FHIT: variants seen among roughly 807,000 people sequenced by gnomAD.
FHIT encodes the protein fragile histidine triad diadenosine triphosphatase.
A neutral mutation model predicts 17.9 loss-of-function variants in FHIT; 19 were observed. That is an observed-to-expected ratio of 1.06 (90% confidence interval 0.74 to 1.56). The LOEUF is 1.56. FHIT is among the 40% of genes most tolerant of loss of function. The pLI, the probability that FHIT is intolerant of heterozygous loss-of-function variation, is 0.00. For synonymous variants in FHIT, 81 were observed against 69.7 expected (o/e 1.16, Z -0.81); for missense variants, 248 against 189.2 (o/e 1.31, Z -1.82).
At chr3:61,050,716 G>C (rs1026969688) in intron 2 of FHIT, among the ~76,000 whole-genome samples, 1 of 152,236 alleles carries the variant, frequency 6.6e-6, no homozygotes, top group Admixed American at 6.5e-5. Flanking sequence ...AAAGCTGGAT[G>C]ATGCACGCAT....
chr3:60,374,791 A>T (rs951767368), intron 5 of FHIT, among the ~76,000 whole-genome samples: 3 of 152,078 alleles, frequency 2.0e-5, no homozygotes, highest in Non-Finnish European at 4.4e-5. Context: ...TTGAGACGTG[A>T]TAATAGTTGT....
chr3:59,768,687 A>C (rs951401022), intron 8 of FHIT, among the ~76,000 whole-genome samples: 2 of 152,248 alleles, frequency 1.3e-5, no homozygotes, highest in African/African-American at 2.4e-5. Context: ...CTAGGCACAT[A>C]GGAGAGGCTC....
At chr3:59,947,434 T>C (rs1033263740) in intron 7 of FHIT, among the ~76,000 whole-genome samples, 2 of 152,188 alleles carry the variant, frequency 1.3e-5, no homozygotes, top group African/African-American at 4.8e-5. Context: ...GGTCTATCAA[T>C]CTGATTAATT....
chr3:60,400,475 A>G (rs1208862229), intron 5 of FHIT, among the ~76,000 whole-genome samples: 1 of 152,158 alleles, frequency 6.6e-6, no homozygotes, highest in African/African-American at 2.4e-5. Context: ...CCTCCAGGAA[A>G]AGAATGTTCT....
intron 5 of FHIT, among the ~76,000 whole-genome samples, chr3:60,471,882 T>A (rs2033105187): frequency 6.6e-6 from 1 of 152,174 alleles, no homozygotes; most frequent in Non-Finnish European, 1.5e-5. Context: ...CTTCCCATGT[T>A]GAACTGTAAG....
At chr3:60,384,607 T>G (rs1446847932) in intron 5 of FHIT, among the ~76,000 whole-genome samples, 1 of 152,086 alleles carries the variant, frequency 6.6e-6, no homozygotes, top group Non-Finnish European at 1.5e-5. Context: ...GTCATGGACA[T>G]AAACAAAACG....
At chr3:59,838,604 G>C (rs1395162228) in intron 8 of FHIT, among the ~76,000 whole-genome samples, 1 of 152,136 alleles carries the variant, frequency 6.6e-6, no homozygotes, top group East Asian at 1.9e-4. Context: ...CAGGTTTAGA[G>C]GGCTTAGGTT....
intron 8 of FHIT, among the ~76,000 whole-genome samples, chr3:59,888,203 G>T (rs891218681): frequency 6.6e-6 from 1 of 152,140 alleles, no homozygotes; most frequent in Non-Finnish European, 1.5e-5. Flanking sequence ...TTCAGGCTTG[G>T]ACATTCACTG....
intron 8 of FHIT, among the ~76,000 whole-genome samples, chr3:59,823,154 C>A (rs1304818612): frequency 6.6e-6 from 1 of 152,258 alleles, no homozygotes; most frequent in East Asian, 1.9e-4. Flanking sequence ...TTCCATTGGT[C>A]TATGTGCCTA....
chr3:59,969,068 C>T (rs1009593750), intron 7 of FHIT, among the ~76,000 whole-genome samples: 5 of 152,114 alleles, frequency 3.3e-5, no homozygotes, highest in Non-Finnish European at 5.9e-5. Context: ...ATCCATGTTT[C>T]GTTCATTGCT....
At chr3:59,786,903 T>G (rs1241090892) in intron 8 of FHIT, among the ~76,000 whole-genome samples, 1 of 152,218 alleles carries the variant, frequency 6.6e-6, no homozygotes, top group African/African-American at 2.4e-5. Flanking sequence ...TGTGAGGGTG[T>G]GGAGGTCATT....
intron 5 of FHIT, among the ~76,000 whole-genome samples, chr3:60,069,458 G>C (rs1559602487): frequency 6.6e-6 from 1 of 152,078 alleles, no homozygotes. Flanking sequence ...TATATTCATT[G>C]AGCACATACA....
chr3:60,318,378 C>G (rs941187200), intron 5 of FHIT, among the ~76,000 whole-genome samples: 1 of 151,988 alleles, frequency 6.6e-6, no homozygotes, highest in Non-Finnish European at 1.5e-5. Context: ...TAGAAATCAA[C>G]CAAATGAAAT....
Position 61,077,669 on chromosome 3 carries a change from T to C in FHIT, c.-163-35570A>G, listed in dbSNP as rs180761745. ...CACCACTCAGCTAAGAACTCTCAGC[T>C]CAAAAGATACTGGCATCTGGAAAGC... On this transcript the variant is annotated intron_variant, in intron 2 of 9. Transcript: ENST00000492590. Among the ~76,000 whole-genome samples, 5 of 152,252 alleles carry C rather than the reference T, an allele frequency of 3.3e-5. No homozygotes were observed. In the South Asian group the frequency reaches 6.2e-4, roughly 19 times the overall value.
chr3:60,681,664 G>T (rs781996544), intron 4 of FHIT, among the ~76,000 whole-genome samples: 31 of 152,176 alleles, frequency 2.0e-4, no homozygotes, highest in Non-Finnish European at 3.4e-4. Flanking sequence ...AGTGAAACAG[G>T]CTTGTTGAGG....
At chr3:60,262,696 G>A (rs1359917399) in intron 5 of FHIT, among the ~76,000 whole-genome samples, 2 of 151,792 alleles carry the variant, frequency 1.3e-5, no homozygotes, top group African/African-American at 4.8e-5. Flanking sequence ...ACTGCTAGAC[G>A]CTGAAATAAA....
At chr3:61,108,535 C>A (rs920726228) in intron 2 of FHIT, among the ~76,000 whole-genome samples, 7 of 152,088 alleles carry the variant, frequency 4.6e-5, no homozygotes, top group African/African-American at 1.2e-4. Context: ...GAAAAAATAG[C>A]CTATGACCTG....
intron 5 of FHIT, among the ~76,000 whole-genome samples, chr3:60,377,900 T>C (rs1044170627): frequency 6.6e-6 from 1 of 152,204 alleles, no homozygotes; most frequent in African/African-American, 2.4e-5. Flanking sequence ...ACAGTACATA[T>C]GTGTTGCATA....
rs574187035 is a variant in FHIT, at chr3:60,035,831, T to C, written c.104-21679A>G. Among the ~76,000 whole-genome samples the C allele has an allele frequency of 2.0e-5, 3 of 152,348 alleles. No individual in the cohort carries two copies. The South Asian group carries it at 6.2e-4, about 32-fold the overall frequency. The stretch of plus-strand genomic sequence containing the variant: ...AGTTAATATTGTCTTCTACTCTGAA[T>C]ATCTTTTGACTTTCTATCAATAGGT... On this transcript the variant is annotated intron_variant, in intron 5 of 9. Transcript: ENST00000492590.
Sources: allele counts gnomAD v4.1 joint callset (sites outside exome capture counted in the v4.1 genomes callset), GRCh38; gene constraint gnomAD v4.1.1; transcripts MANE v1.5; gene names NCBI Gene and HGNC (gene_info 2026-07-23, HGNC 2026-07-21).